The following DLG2 variants were observed in gnomAD, a reference collection of about 807,000 sequenced individuals.
DLG2 encodes discs large MAGUK scaffold protein 2, also known as disks large homolog 2.
A neutral mutation model predicts 132.5 loss-of-function variants in DLG2; 45 were observed. That is an observed-to-expected ratio of 0.34 (90% CI 0.27 to 0.44). The LOEUF is 0.44. Among genes scored for constraint, DLG2 ranks in the 20% least tolerant of loss-of-function variants. The probability of loss-of-function intolerance (pLI) is 1.00; values close to 1 mark genes in which losing one functional copy is unlikely to be tolerated. For missense variants in DLG2, 1,045 were observed against 1,196.9 expected, an observed-to-expected ratio of 0.87 and a Z score of 1.87; for synonymous variants, 424 against 419.6, an observed-to-expected ratio of 1.01 and a Z score of -0.13.
intron 4 of DLG2, among the ~76,000 whole-genome samples, chr11:85,267,403 C>T (rs2077279797): frequency 5.9e-5 from 9 of 152,312 alleles, no homozygotes; most frequent in Admixed American, 5.9e-4. Flanking sequence ...GACTTAGATA[C>T]ATTTGCTATT....
chr11:85,454,131 A>G (rs2092342762), intron 3 of DLG2, among the ~76,000 whole-genome samples: 1 of 151,028 alleles, frequency 6.6e-6, no homozygotes, highest in Non-Finnish European at 1.5e-5. Flanking sequence ...TCCATGGCAT[A>G]TATGTACCAC....
intron 6 of DLG2, among the ~76,000 whole-genome samples, chr11:84,679,931 C>T (rs1304393238): frequency 6.6e-6 from 1 of 152,058 alleles, no homozygotes; most frequent in African/African-American, 2.4e-5. Context: ...CTATTACAGC[C>T]ACACTTTCTG....
At chr11:84,972,629 A>T (rs1271177605) in intron 6 of DLG2, among the ~76,000 whole-genome samples, 1 of 152,248 alleles carries the variant, frequency 6.6e-6, no homozygotes, top group Admixed American at 6.5e-5. Flanking sequence ...CTTAACACTA[A>T]CAGAAGGTGC....
intron 12 of DLG2, among the ~76,000 whole-genome samples, chr11:83,977,142 A>T (rs1012300515): frequency 6.6e-6 from 1 of 152,018 alleles, no homozygotes; most frequent in African/African-American, 2.4e-5. Context: ...ACTGGATACC[A>T]AAGAAAGTGG....
chr11:83,994,099 C>T lies in DLG2; in HGVS notation c.920-13457G>A, dbSNP rs531194841. The stretch of plus-strand genomic sequence containing the variant: ...CTCTCTCTCCACTGACCACATCTAA[C>T]GGTTTATCTGTCTTTATCTCATTTT... On this transcript the variant is annotated intron_variant, in intron 11 of 27. Coordinates refer to ENST00000376104, the MANE Select transcript of DLG2 (RefSeq NM_001142699.3). 3.7e-4 allele frequency among the ~76,000 whole-genome samples: 56 copies of T among 152,204 alleles called. No homozygotes were observed. In the South Asian group the frequency reaches 3.9e-3, roughly 11 times the overall value.
chr11:85,529,302 A>T (rs1219527388), intron 3 of DLG2, among the ~76,000 whole-genome samples: 1 of 152,222 alleles, frequency 6.6e-6, no homozygotes, highest in Non-Finnish European at 1.5e-5. Context: ...TGAACAAAAA[A>T]TAAACCTTTG....
At chr11:84,725,097 A>G (rs1329607100) in intron 6 of DLG2, among the ~76,000 whole-genome samples, 1 of 152,158 alleles carries the variant, frequency 6.6e-6, no homozygotes, top group African/African-American at 2.4e-5. Context: ...GATAACAGTA[A>G]TATAAGAGAC....
chr11:85,102,223 C>G (rs1594203666), intron 6 of DLG2, among the ~76,000 whole-genome samples: 1 of 152,194 alleles, frequency 6.6e-6, no homozygotes. Context: ...AGGAGTCATT[C>G]TGGCTCCCCT....
chr11:84,140,910 A>C (rs1411067166), intron 9 of DLG2, among the ~76,000 whole-genome samples: 1 of 152,172 alleles, frequency 6.6e-6, no homozygotes. Flanking sequence ...TAGTGATTTA[A>C]GACAGATTAA....
rs962360857 is a variant in DLG2, at chr11:85,352,609, A to C, written c.41-67244T>G. ...CCAGAGATTCTGGCTACAGTAACCA[A>C]AACAGCATGGTACTGGTACCAAAAC... On this transcript the variant is annotated intron_variant, in intron 3 of 27. Transcript: ENST00000376104. Among the ~76,000 whole-genome samples, 21 of 152,224 alleles carry C rather than the reference A, an allele frequency of 1.4e-4. 1 individual carries two copies. The highest frequency in any genetic ancestry group is 4.1e-4 in the African/African-American group (17 of 41,536).
chr11:84,685,462 T>G (rs1451792876), intron 6 of DLG2, among the ~76,000 whole-genome samples: 1 of 152,220 alleles, frequency 6.6e-6, no homozygotes, highest in Non-Finnish European at 1.5e-5. Flanking sequence ...AAGAGCAAGC[T>G]GAATCAGGTA....
chr11:83,624,512 C>G lies in DLG2; in HGVS notation c.1940+8699G>C, dbSNP rs725193. On this transcript the variant is annotated intron_variant, in intron 19 of 27. Transcript: ENST00000376104. The stretch of plus-strand genomic sequence containing the variant: ...GAGTAAGCATTATGCTAATGGGTCT[C>G]AAAATATAAATGAAGAATCAAAATC... Among the ~76,000 whole-genome samples the G allele has an allele frequency of 2.0e-3, 308 of 152,264 alleles. 1 individual carries two copies. Among genetic ancestry groups the G allele is most frequent in the Non-Finnish European group, 3.2e-3 (218 of 68,018 alleles).
Position 83,469,424 on chromosome 11 carries a change from T to G in DLG2, c.2447-51A>C, listed in dbSNP as rs745673791. The G allele has an allele frequency of 2.8e-6, 4 of 1,444,822 alleles. No individual in the cohort carries two copies. In the African/African-American group the frequency reaches 4.2e-5, roughly 15 times the overall value. 89.5% of individuals were successfully genotyped at this position (1,444,822 alleles called of 1,614,324 possible). On this transcript the variant is annotated intron_variant, in intron 24 of 27. Transcript: ENST00000376104. ...TTAAGGTGCATTTATACCCATAAACTTGCTTTACACCTATATTCTCCACCA... is the reference window on the plus strand; with the variant it reads ...TTAAGGTGCATTTATACCCATAAACGTGCTTTACACCTATATTCTCCACCA...
intron 21 of DLG2, among the ~76,000 whole-genome samples, chr11:83,486,666 C>G (rs190462386): frequency 2.0e-4 from 31 of 152,098 alleles, no homozygotes; most frequent in Admixed American, 7.9e-4. Flanking sequence ...TACAAAAGAA[C>G]AGAAAATACA....
intron 18 of DLG2, among the ~76,000 whole-genome samples, chr11:83,733,697 T>A (rs2091420283): frequency 6.6e-6 from 1 of 152,224 alleles, no homozygotes; most frequent in South Asian, 2.1e-4. Flanking sequence ...TATGCCCAGT[T>A]CTAGCAATCA....
chr11:84,669,655 C>T (rs1273642736), intron 6 of DLG2, among the ~76,000 whole-genome samples: 1 of 152,162 alleles, frequency 6.6e-6, no homozygotes, highest in African/African-American at 2.4e-5. Context: ...TAAACACACA[C>T]TTTGACCACA....
chr11:84,907,019 AAATAGAATTTTTAAAACCCAAAAGGAAT>A, intron 6 of DLG2, among the ~76,000 whole-genome samples: 1 of 152,222 alleles, frequency 6.6e-6, no homozygotes, highest in African/African-American at 2.4e-5. Context: ...ACAAATTTCA[AAATAGAATTTTTAAAACCCAAAAGGAAT>A]GAAAGCTGAA....
intron 6 of DLG2, among the ~76,000 whole-genome samples, chr11:84,832,433 C>A (rs932857335): frequency 4.0e-5 from 6 of 151,692 alleles, no homozygotes; most frequent in South Asian, 2.1e-4. Context: ...TTAGGAGTGG[C>A]CTTTCTTGAC....
At chr11:83,984,026 T>C (rs1240514410) in intron 11 of DLG2, among the ~76,000 whole-genome samples, 3 of 152,052 alleles carry the variant, frequency 2.0e-5, no homozygotes. Flanking sequence ...ACATCCACTA[T>C]GCCAGCAGTA....
Sources: allele counts gnomAD v4.1 joint callset (sites outside exome capture counted in the v4.1 genomes callset), GRCh38; gene constraint gnomAD v4.1.1; transcripts MANE v1.5; gene names NCBI Gene and HGNC (gene_info 2026-07-23, HGNC 2026-07-21).